Variants in TPI1 observed in about 807,000 individuals in gnomAD.
The protein encoded by TPI1 is triosephosphate isomerase 1.
A neutral mutation model predicts 31.0 loss-of-function variants in TPI1; 11 were observed. The ratio of observed to expected loss-of-function variants is 0.36; its 90% confidence interval spans 0.22 to 0.59. TPI1 has a LOEUF of 0.59. Among genes scored for constraint, TPI1 ranks in the 20% least tolerant of loss-of-function variants. The probability of loss-of-function intolerance (pLI) is 0.79; values close to 1 mark genes in which losing one functional copy is unlikely to be tolerated. For synonymous variants in TPI1, 121 were observed against 122.8 expected (o/e 0.99, Z 0.10); for missense variants, 245 against 319.7 (o/e 0.77, Z 1.78).
intron 2 of TPI1, 22 bp from the exon 3 acceptor site, chr12:6,869,077 T>C: frequency 5.0e-6 from 8 of 1,614,200 alleles, no homozygotes; most frequent in Non-Finnish European, 6.8e-6. Context: ...CTGCTGAACC[T>C]TGGCTTCATC....
Position 6,870,055 on chromosome 12 carries a change from G to A in TPI1, c.550G>A (p.Glu184Lys). Reference sequence around the variant, plus strand: ...GGCCAGCTTCTTGTTCTAGGCCCAGGAAGTACACGAGAAGCTCCGAGGATG... The same window carrying A: ...GGCCAGCTTCTTGTTCTAGGCCCAGAAAGTACACGAGAAGCTCCGAGGATG... ...GKTATPQQAQ[E>K]VHEKLRGWLK... is the part of the protein sequence containing the mutation. Residue 184 changes from glutamate to lysine, a missense_variant, in exon 6 of 7, where the codon GAA becomes AAA. Physicochemically the swap from Glu to Lys is moderately conservative, Grantham distance 56. Around this residue, in one of 3 missense-constraint regions of TPI1, gnomAD observed 127 missense variants for 163.7 expected, o/e 0.78. Transcript: ENST00000396705. The A allele has an allele frequency of 6.2e-7, 1 of 1,614,218 alleles. No homozygotes were observed. The highest frequency in any genetic ancestry group is 8.5e-7 in the Non-Finnish European group (1 of 1,180,038).
At position 6,870,150 on chromosome 12, in the gene TPI1, G is replaced by T; in HGVS notation, c.631+14G>T. On this transcript the variant is annotated intron_variant, in intron 6 of 6. Coordinates refer to ENST00000396705, the MANE Select transcript of TPI1 (RefSeq NM_000365.6). ...TCATTTATGGAGGTGAGTGGCTTTG[G>T]TTCCCGGCTGAGGTGGAGTGGGCTG... The T allele has an allele frequency of 1.2e-6, 2 of 1,613,388 alleles. No homozygotes were observed. Among genetic ancestry groups the T allele is most frequent in the South Asian group, 1.1e-5 (1 of 91,078 alleles).
At chr12:6,868,145 G>C in intron 1 of TPI1, 1 of 1,200,126 alleles carries the variant, frequency 8.3e-7, no homozygotes. Flanking sequence ...GCGCCGAGCT[G>C]CTCGGGCTCC....
chr12:6,869,134 T>C lies in TPI1; in HGVS notation c.275T>C (p.Val92Ala), dbSNP rs782199292. The C allele has an allele frequency of 6.2e-7, 1 of 1,614,136 alleles. No individual in the cohort carries two copies. Among genetic ancestry groups the C allele is most frequent in the Non-Finnish European group, 8.5e-7 (1 of 1,180,024 alleles). ...ATCAAAGACTGCGGAGCCACGTGGGTGGTCCTGGGGCACTCAGAGAGAAGG... is the reference window on the plus strand; with the variant it reads ...ATCAAAGACTGCGGAGCCACGTGGGCGGTCCTGGGGCACTCAGAGAGAAGG... ...GMIKDCGATWVVLGHSERRHV... is the reference protein window; with the variant it reads ...GMIKDCGATWAVLGHSERRHV... The change falls in exon 3 of 7, where the codon GTG (valine) becomes GCG (alanine). Residue 92 changes from valine to alanine, a missense_variant. Val to Ala is a moderately conservative substitution (Grantham distance 64). Coordinates refer to ENST00000396705, the MANE Select transcript of TPI1 (RefSeq NM_000365.6).
Position 6,870,457 on chromosome 12 carries a change from C to T in TPI1, c.*74C>T, listed in dbSNP as rs781972837. On this transcript the variant is annotated 3_prime_UTR_variant, in exon 7 of 7. Transcript: ENST00000396705. The stretch of plus-strand genomic sequence containing the variant: ...CCCAGAAGCCCAGTAACTGCCCTTT[C>T]CCTGCATATGCTTCTGATGGTGTCA... 9.1e-7 allele frequency: 1 copy of T among 1,104,186 alleles called. No homozygotes were observed. Among genetic ancestry groups the T allele is most frequent in the Non-Finnish European group, 1.4e-6 (1 of 715,820 alleles). 68.4% of individuals were successfully genotyped at this position (1,104,186 alleles called of 1,614,324 possible). A position where few individuals can be genotyped will look rare whatever the true frequency, so the allele number is the denominator to read the frequency against.
At position 6,870,545 on chromosome 12, in the gene TPI1, G is replaced by C; in HGVS notation, c.*162G>C. 1.3e-6 allele frequency: 1 copy of C among 776,270 alleles called. No homozygotes were observed. Among genetic ancestry groups the C allele is most frequent in the Non-Finnish European group, 2.4e-6 (1 of 419,646 alleles). 48.1% of individuals were successfully genotyped at this position (776,270 alleles called of 1,614,324 possible). ...CCTTTACTGTTTATATCTTCACCCTGTAATGGTTGGGACCAGGCCAATCCC... is the reference window on the plus strand; with the variant it reads ...CCTTTACTGTTTATATCTTCACCCTCTAATGGTTGGGACCAGGCCAATCCC... On this transcript the variant is annotated 3_prime_UTR_variant, in exon 7 of 7. Coordinates refer to ENST00000396705, the MANE Select transcript of TPI1 (RefSeq NM_000365.6).
chr12:6,869,051 C>T (rs1255672145), intron 2 of TPI1, 48 bp from the exon 3 acceptor site: 1 of 1,614,108 alleles, frequency 6.2e-7, no homozygotes, highest in Non-Finnish European at 8.5e-7. Flanking sequence ...GAGGGGAAAG[C>T]CACAGGGTGG....
intron 1 of TPI1, chr12:6,868,071 C>A (rs998155713): frequency 3.2e-6 from 4 of 1,232,382 alleles, no homozygotes; most frequent in Middle Eastern, 3.5e-4. Flanking sequence ...CCTGGCCTCC[C>A]GCGCCGTGCG....
Position 6,870,459 on chromosome 12 carries a change from C to T in TPI1, c.*76C>T, listed in dbSNP as rs781903023. On this transcript the variant is annotated 3_prime_UTR_variant, in exon 7 of 7. Transcript: ENST00000396705. ...CAGAAGCCCAGTAACTGCCCTTTCC[C>T]TGCATATGCTTCTGATGGTGTCATC... 1 of 1,080,196 alleles carries T rather than the reference C, an allele frequency of 9.3e-7. No individual in the cohort carries two copies. The highest frequency in any genetic ancestry group is 1.2e-5 in the South Asian group (1 of 80,186). The allele number at this position is 1,080,196 out of a possible 1,614,324, so 66.9% of individuals were successfully genotyped here.
Position 6,867,659 on chromosome 12 carries a change from G to T in TPI1, c.93G>T (p.Ala31=). The T allele has an allele frequency of 6.2e-7, 1 of 1,610,496 alleles. No individual in the cohort carries two copies. Among genetic ancestry groups the T allele is most frequent in the South Asian group, 1.1e-5 (1 of 90,708 alleles). ...GGGAGCTCATCGGCACTCTGAACGCGGCCAAGGTGCCGGCCGACACCGGTA... is the reference window on the plus strand; with the variant it reads ...GGGAGCTCATCGGCACTCTGAACGCTGCCAAGGTGCCGGCCGACACCGGTA... ...SLGELIGTLN[A]AKVPADTEVV... The change falls in exon 1 of 7, where the codon GCG becomes GCT. Residue 31 remains alanine, a synonymous_variant. Transcript: ENST00000396705.
chr12:6,870,391 C>T lies in TPI1; in HGVS notation c.*8C>T, dbSNP rs782789697. On this transcript the variant is annotated 3_prime_UTR_variant, in exon 7 of 7. Transcript: ENST00000396705. ...ATCAATGCCAAACAATGAGCCCCAT[C>T]CATCTTCCCTACCCTTCCTGCCAAG... 3 of 1,598,662 alleles carry T rather than the reference C, an allele frequency of 1.9e-6. No individual in the cohort carries two copies. In the South Asian group the frequency reaches 3.3e-5, roughly 18 times the overall value.
Position 6,870,921 on chromosome 12 carries a change from A to T in TPI1, c.*538A>T, listed in dbSNP as rs1565539332. ...TGATCATTTGTGCAAGAAAAAAAAA[A>T]AAACAAGAACAGGTTTCTATAACAA... On this transcript the variant is annotated 3_prime_UTR_variant, in exon 7 of 7. Transcript: ENST00000396705. 1 of 650,370 alleles carries T rather than the reference A, an allele frequency of 1.5e-6. No individual in the cohort carries two copies. Among genetic ancestry groups the T allele is most frequent in the South Asian group, 1.6e-5 (1 of 63,178 alleles). The allele number at this position is 650,370 out of a possible 1,614,324, so 40.3% of individuals were successfully genotyped here. A position where few individuals can be genotyped will look rare whatever the true frequency, so the allele number is the denominator to read the frequency against.
intron 4 of TPI1, 63 bp downstream of exon 4, chr12:6,869,453 C>A: frequency 6.2e-7 from 1 of 1,610,406 alleles, no homozygotes; most frequent in South Asian, 1.1e-5. Flanking sequence ...AGGGTAGGGT[C>A]AGGCCCTGGA....
chr12:6,870,744 A>T lies in TPI1; in HGVS notation c.*361A>T, dbSNP rs1555132968. On this transcript the variant is annotated 3_prime_UTR_variant, in exon 7 of 7. Coordinates refer to ENST00000396705, the MANE Select transcript of TPI1 (RefSeq NM_000365.6). ...TGAGGCCAAGATCCCCTCAGAAGGC[A>T]GGAGTGCTGCCCTCTCCCATGGTGC... 7.5e-6 allele frequency: 4 copies of T among 535,158 alleles called. No individual in the cohort carries two copies. Among genetic ancestry groups the T allele is most frequent in the Non-Finnish European group, 1.4e-5 (4 of 276,780 alleles). The allele number at this position is 535,158 out of a possible 1,614,324, so 33.2% of individuals were successfully genotyped here.
At chr12:6,868,062 C>G in intron 1 of TPI1, 1 of 1,229,798 alleles carries the variant, frequency 8.1e-7, no homozygotes, top group Non-Finnish European at 1.0e-6. Flanking sequence ...TCCCTGCGCC[C>G]TGGCCTCCCG....
chr12:6,869,587 C>G, intron 4 of TPI1, 101 bp from the exon 5 acceptor site: 1 of 1,479,246 alleles, frequency 6.8e-7, no homozygotes, highest in Non-Finnish European at 9.4e-7. Context: ...CCCCAATGTC[C>G]ACTAGGGGGC....
chr12:6,868,899 T>C lies in TPI1; in HGVS notation c.151T>C (p.Phe51Leu). Residue 51 changes from phenylalanine to leucine, a missense_variant, in exon 2 of 7, where the codon TTC (phenylalanine) becomes CTC (leucine). Physicochemically the swap from Phe to Leu is conservative, Grantham distance 22 (BLOSUM62 0). Coordinates refer to ENST00000396705, the MANE Select transcript of TPI1 (RefSeq NM_000365.6). ...VCAPPTAYID[F>L]ARQKLDPKIA... ...TGCTCCCCCTACTGCCTATATCGAC[T>C]TCGCCCGGCAGAAGCTAGATCCCAA... 4.3e-6 allele frequency: 7 copies of C among 1,613,978 alleles called. No homozygotes were observed. The highest frequency in any genetic ancestry group is 5.9e-6 in the Non-Finnish European group (7 of 1,179,960).
chr12:6,870,005 A>G (rs1565538290), intron 5 of TPI1, 44 bp from the exon 6 acceptor site: 1 of 1,603,170 alleles, frequency 6.2e-7, no homozygotes, highest in Non-Finnish European at 8.5e-7. Context: ...TTTTCCTCTT[A>G]GAGAGGCAGA....
chr12:6,870,204 G>A, intron 6 of TPI1, 61 bp from the exon 7 acceptor site: 2 of 1,601,630 alleles, frequency 1.2e-6, no homozygotes, highest in Non-Finnish European at 1.7e-6. Context: ...CGGACATGGA[G>A]GTGGGGATGG....
Sources: gnomAD v4.1 joint callset for allele counts on GRCh38, gnomAD v4.1.1 for gene constraint, gnomAD v4.1.1 regional missense constraint, MANE v1.5 for transcripts, NCBI Gene and HGNC (gene_info 2026-07-23, HGNC 2026-07-21) for gene names.